SPECC1: variants seen among roughly 807,000 people sequenced by gnomAD.
SPECC1 encodes cytospin-B.
SPECC1 carries 62 observed loss-of-function variants against 104.1 expected under a neutral mutation model. The observed-to-expected ratio is 0.60, with a 90% CI of 0.49 to 0.74. The LOEUF (loss-of-function observed/expected upper bound fraction) is 0.74. Among genes scored for constraint, SPECC1 ranks in the 30% least tolerant of loss-of-function variants. The pLI, the probability that SPECC1 is intolerant of heterozygous loss-of-function variation, is 0.00. For missense variants in SPECC1, 1,306 were observed against 1,310.5 expected (o/e 1.00, Z 0.05); for synonymous variants, 513 against 501.6 (o/e 1.02, Z -0.30).
At chr17:20,011,319 T>C (rs1164233736) in intron 1 of SPECC1, among the ~76,000 whole-genome samples, 2 of 152,174 alleles carry the variant, frequency 1.3e-5, no homozygotes, top group Admixed American at 6.5e-5. Context: ...ATCATTTATT[T>C]TTCTCAGTTT....
chr17:20,035,922 C>T (rs895818421), intron 1 of SPECC1, among the ~76,000 whole-genome samples: 2 of 151,534 alleles, frequency 1.3e-5, no homozygotes, highest in African/African-American at 4.9e-5. Flanking sequence ...CCTCCGGGTT[C>T]AAGTGATTCT....
chr17:20,260,123 T>C, intron 11 of SPECC1, 69 bp from the exon 12 acceptor site: 1 of 1,282,060 alleles, frequency 7.8e-7, no homozygotes, highest in South Asian at 1.5e-5. Context: ...TAGGTATTTA[T>C]TTCTTGTGTA....
rs186758012 is a variant in SPECC1, at chr17:20,297,222, C to A, written c.3057+145C>A. On this transcript the variant is annotated intron_variant, in intron 13 of 14. Coordinates refer to ENST00000395527, the MANE Select transcript of SPECC1 (RefSeq NM_001243439.2). ...GTACAGATAACTCCTGAATGTTTGA[C>A]TGCACCGTGGAATCCCATCCTCAGC... 349 of 633,498 alleles carry A rather than the reference C, an allele frequency of 5.5e-4. No individual in the cohort carries two copies. The African/African-American group carries it at 5.7e-3, about 10-fold the overall frequency. The allele number at this position is 633,498 out of a possible 1,614,324, so 39.2% of individuals were successfully genotyped here. A position where few individuals can be genotyped will look rare whatever the true frequency, so the allele number is the denominator to read the frequency against.
chr17:20,247,338 T>C lies in SPECC1; in HGVS notation c.2598+19T>C. On this transcript the variant is annotated intron_variant, in intron 9 of 14. Transcript: ENST00000395527. Reference sequence around the variant, plus strand: ...AATGCAGGTAGATGAGCCCCAGAAATAACCACTGCTTATGGTTTGCTGTGT... The same window carrying C: ...AATGCAGGTAGATGAGCCCCAGAAACAACCACTGCTTATGGTTTGCTGTGT... The C allele has an allele frequency of 6.4e-7, 1 of 1,569,390 alleles. No homozygotes were observed. Among genetic ancestry groups the C allele is most frequent in the Non-Finnish European group, 8.8e-7 (1 of 1,140,924 alleles).
At chr17:20,080,277 A>G (rs762978913) in intron 1 of SPECC1, among the ~76,000 whole-genome samples, 4 of 152,188 alleles carry the variant, frequency 2.6e-5, no homozygotes, top group Non-Finnish European at 4.4e-5. Flanking sequence ...TTAGGATTAG[A>G]TATTTAGCTG....
At chr17:20,040,202 C>T (rs919639479) in intron 1 of SPECC1, among the ~76,000 whole-genome samples, 3 of 151,454 alleles carry the variant, frequency 2.0e-5, no homozygotes, top group Admixed American at 6.6e-5. Flanking sequence ...TATATACTTA[C>T]GTGTGTGTGT....
intron 3 of SPECC1, among the ~76,000 whole-genome samples, chr17:20,153,699 T>G (rs964760384): frequency 3.3e-5 from 5 of 152,200 alleles, no homozygotes; most frequent in Non-Finnish European, 7.3e-5. Flanking sequence ...GTTAATTACT[T>G]GACATTTTAC....
At chr17:20,238,714 A>T (rs751391207) in intron 7 of SPECC1, 179 of 1,040,826 alleles carry the variant, frequency 1.7e-4, no homozygotes, top group Admixed American at 7.8e-4. Flanking sequence ...AGTTCTTAGG[A>T]TTATTTAAAA....
chr17:20,144,054 G>A (rs549688465), intron 3 of SPECC1, among the ~76,000 whole-genome samples: 5 of 152,212 alleles, frequency 3.3e-5, no homozygotes, highest in South Asian at 4.1e-4. Context: ...GAGAGTCCTC[G>A]CTTTGAGAAA....
intron 12 of SPECC1, among the ~76,000 whole-genome samples, chr17:20,271,059 A>G (rs2040390471): frequency 6.6e-6 from 1 of 152,082 alleles, no homozygotes; most frequent in East Asian, 1.9e-4. Context: ...AAAATTTGTG[A>G]TAGCTCTTTT....
chr17:20,184,365 G>A (rs188385043), intron 3 of SPECC1, among the ~76,000 whole-genome samples: 1 of 152,264 alleles, frequency 6.6e-6, no homozygotes, highest in African/African-American at 2.4e-5. Context: ...GGCTAAGCAT[G>A]TTTGTGTCAA....
chr17:20,102,510 G>T (rs1405823236), intron 2 of SPECC1, among the ~76,000 whole-genome samples: 3 of 152,184 alleles, frequency 2.0e-5, no homozygotes, highest in Non-Finnish European at 4.4e-5. Context: ...CCACAGTGCA[G>T]CATAAAATCC....
rs1262509345 is a variant in SPECC1 at position 20,314,138 on chromosome 17, C to T, written c.*73C>T. ...CCTGGAAGCGCCTGATTACTGTCCA[C>T]TGACCCTGCTCTGCCCACCACCCAG... On this transcript the variant is annotated 3_prime_UTR_variant, in exon 15 of 15. Transcript: ENST00000395527. The T allele has an allele frequency of 3.0e-6, 4 of 1,318,332 alleles. No homozygotes were observed. Among genetic ancestry groups the T allele is most frequent in the East Asian group, 4.9e-5 (2 of 41,188 alleles). The allele number at this position is 1,318,332 out of a possible 1,614,324, so 81.7% of individuals were successfully genotyped here. A position where few individuals can be genotyped will look rare whatever the true frequency, so the allele number is the denominator to read the frequency against.
intron 3 of SPECC1, among the ~76,000 whole-genome samples, chr17:20,140,577 AGGTTTGG>A (rs1192541562): frequency 6.6e-6 from 1 of 152,210 alleles, no homozygotes; most frequent in Non-Finnish European, 1.5e-5. Context: ...TAGCATAAAT[AGGTTTGG>A]GAACAAATAT....
intron 1 of SPECC1, among the ~76,000 whole-genome samples, chr17:20,032,903 T>C (rs1030415922): frequency 2.6e-5 from 4 of 151,840 alleles, no homozygotes; most frequent in African/African-American, 9.7e-5. Context: ...TGTATATATG[T>C]ATATATGTGT....
chr17:20,286,195 C>T (rs1466923820), intron 12 of SPECC1, among the ~76,000 whole-genome samples: 2 of 152,196 alleles, frequency 1.3e-5, no homozygotes, highest in Non-Finnish European at 2.9e-5. Context: ...TTCAGCCCCC[C>T]AGAATCCTCT....
rs549097521 is a variant in SPECC1, at chr17:20,298,811, C to A, written c.3057+1734C>A. On this transcript the variant is annotated intron_variant, in intron 13 of 14. Transcript: ENST00000395527. ...TGTTTAAAAGCTCTGTTTCGATTAT[C>A]CCACATCAGGATTTAAATAAAGTAC... 2.6e-5 allele frequency among the ~76,000 whole-genome samples: 4 copies of A among 151,740 alleles called. No homozygotes were observed. The East Asian group carries it at 7.8e-4, about 29-fold the overall frequency.
intron 1 of SPECC1, among the ~76,000 whole-genome samples, chr17:20,046,780 G>A (rs1040132453): frequency 6.6e-6 from 1 of 151,368 alleles, no homozygotes; most frequent in African/African-American, 2.4e-5. Context: ...TCAAGGAGTC[G>A]CCTTCCTGAT....
intron 3 of SPECC1, chr17:20,126,456 T>A (rs549880019): frequency 6.6e-6 from 1 of 152,342 alleles, no homozygotes; most frequent in African/African-American, 2.4e-5. Context: ...CTTCTCTGCA[T>A]CATTCCAGTT....
Sources: allele counts gnomAD v4.1 joint callset (sites outside exome capture counted in the v4.1 genomes callset), GRCh38; gene constraint gnomAD v4.1.1; transcripts MANE v1.5; gene names NCBI Gene and HGNC (gene_info 2026-07-23, HGNC 2026-07-21).